The following ATP2B2 variants were observed in gnomAD, a reference collection of about 807,000 sequenced individuals.
ATP2B2 encodes plasma membrane calcium-transporting ATPase 2.
A neutral mutation model predicts 120.0 loss-of-function variants in ATP2B2; 15 were observed. The ratio of observed to expected loss-of-function variants is 0.12; its 90% confidence interval spans 0.08 to 0.19. The LOEUF is 0.19. Ranked by LOEUF, ATP2B2 falls within the 10% of genes least tolerant of loss-of-function variation. ATP2B2 has a pLI of 1.00. For synonymous variants in ATP2B2, 694 were observed against 700.3 expected, an observed-to-expected ratio of 0.99 and a Z score of 0.14; for missense variants, 1,045 against 1,719.8, an observed-to-expected ratio of 0.61 and a Z score of 6.94.
intron 12 of ATP2B2, among the ~76,000 whole-genome samples, chr3:10,370,406 G>T (rs2125498857): frequency 6.6e-6 from 1 of 152,338 alleles, no homozygotes; most frequent in South Asian, 2.1e-4. Flanking sequence ...AAGCATCGCT[G>T]ATCTCCCTTG....
chr3:10,496,509 C>T (rs991654549), intron 1 of ATP2B2, among the ~76,000 whole-genome samples: 3 of 152,230 alleles, frequency 2.0e-5, no homozygotes, highest in Non-Finnish European at 4.4e-5. Flanking sequence ...TGCCCCACAT[C>T]CCCCAAGGGA....
At chr3:10,565,123 C>T (rs984176456) in intron 2 of ATP2B2, among the ~76,000 whole-genome samples, 3 of 152,286 alleles carry the variant, frequency 2.0e-5, no homozygotes, top group African/African-American at 7.2e-5. Flanking sequence ...GGACAATATC[C>T]TAAGGGGTGG....
intron 2 of ATP2B2, among the ~76,000 whole-genome samples, chr3:10,558,317 G>A (rs1321912134): frequency 6.6e-6 from 1 of 152,204 alleles, no homozygotes; most frequent in Non-Finnish European, 1.5e-5. Context: ...ACTGGTTCAT[G>A]GAAGTGCACG....
intron 13 of ATP2B2, 96 bp downstream of exon 13, chr3:10,359,786 T>G (rs2060843813): frequency 6.4e-7 from 1 of 1,566,660 alleles, no homozygotes; most frequent in Non-Finnish European, 8.7e-7. Context: ...CTGCTGAGCC[T>G]GGCCTGGATG....
At chr3:10,585,426 G>A (rs779355464) in intron 2 of ATP2B2, among the ~76,000 whole-genome samples, 42 of 142,974 alleles carry the variant, frequency 2.9e-4, no homozygotes, top group Non-Finnish European at 6.0e-5. Flanking sequence ...CCCGGGAGGC[G>A]GAACTTGCAG....
chr3:10,360,692 T>C (rs2060872367), intron 12 of ATP2B2, among the ~76,000 whole-genome samples: 1 of 152,224 alleles, frequency 6.6e-6, no homozygotes, highest in African/African-American at 2.4e-5. Flanking sequence ...ATCACCATAG[T>C]ATTAACACAA....
intron 1 of ATP2B2, among the ~76,000 whole-genome samples, chr3:10,503,811 C>A (rs938543264): frequency 6.6e-6 from 1 of 152,254 alleles, no homozygotes; most frequent in Non-Finnish European, 1.5e-5. Flanking sequence ...ACATTTCTGG[C>A]TGTTGCAGGG....
In ATP2B2 at chr3:10,340,465, G is replaced by A; in HGVS notation, c.3129+28C>T. Reference sequence around the variant, plus strand: ...CTCCAGCCGCTTGCTGCCCACCCCGGGCCTGGTTAGGGTGGGGGCCTCACT... The same window carrying A: ...CTCCAGCCGCTTGCTGCCCACCCCGAGCCTGGTTAGGGTGGGGGCCTCACT... On this transcript the variant is annotated intron_variant, in intron 20 of 22. Coordinates refer to ENST00000360273, the MANE Select transcript of ATP2B2 (RefSeq NM_001001331.4). The surrounding 1 kb of genome is among the most constrained non-coding windows in gnomAD (Gnocchi z 5.0). The A allele has an allele frequency of 6.2e-7, 1 of 1,614,038 alleles. No individual in the cohort carries two copies. Among genetic ancestry groups the A allele is most frequent in the Non-Finnish European group, 8.5e-7 (1 of 1,179,864 alleles).
At chr3:10,461,313 T>G (rs999703207) in intron 1 of ATP2B2, among the ~76,000 whole-genome samples, 20 of 152,190 alleles carry the variant, frequency 1.3e-4, no homozygotes, top group African/African-American at 4.8e-4. Context: ...CCTGGTTATC[T>G]CCACCCAGAG....
Position 10,462,177 on chromosome 3 carries a change from G to C in ATP2B2, c.-319-12315C>G, listed in dbSNP as rs148257018. 6.6e-5 allele frequency among the ~76,000 whole-genome samples: 10 copies of C among 152,264 alleles called. No individual in the cohort carries two copies. The East Asian group carries it at 1.9e-3, about 29-fold the overall frequency. ...GGCCTTTCTCCCAAGCTCCAGAACCGACCTTCTTGTGGTTGCCAAATGTCC... is the reference window on the plus strand; with the variant it reads ...GGCCTTTCTCCCAAGCTCCAGAACCCACCTTCTTGTGGTTGCCAAATGTCC... On this transcript the variant is annotated intron_variant, in intron 1 of 22. Coordinates refer to ENST00000360273, the MANE Select transcript of ATP2B2 (RefSeq NM_001001331.4).
chr3:10,707,029 G>T (rs1431859038), intron 1 of ATP2B2, among the ~76,000 whole-genome samples: 1 of 152,226 alleles, frequency 6.6e-6, no homozygotes, highest in African/African-American at 2.4e-5. Context: ...ATCACCAAAG[G>T]CCAGAGTATC....
chr3:10,386,424 C>G, intron 7 of ATP2B2, 56 bp downstream of exon 7: 1 of 1,593,372 alleles, frequency 6.3e-7, no homozygotes. Flanking sequence ...GGCCCAATGA[C>G]CAAAGCCTGC....
intron 2 of ATP2B2, among the ~76,000 whole-genome samples, chr3:10,422,400 G>A (rs2063011275): frequency 6.6e-6 from 1 of 152,206 alleles, no homozygotes; most frequent in African/African-American, 2.4e-5. Context: ...GTGCATTGCA[G>A]GCATGTATGC....
chr3:10,410,967 T>C (rs562935952), intron 2 of ATP2B2, 152 bp from the exon 3 acceptor site: 3 of 952,652 alleles, frequency 3.1e-6, no homozygotes, highest in African/African-American at 3.3e-5. Context: ...GGGCCCTAAG[T>C]TGGTTCCTGC....
At chr3:10,399,712 G>C (rs1575121581) in intron 5 of ATP2B2, among the ~76,000 whole-genome samples, 3 of 152,196 alleles carry the variant, frequency 2.0e-5, no homozygotes, top group East Asian at 3.8e-4. Flanking sequence ...CTGCAGACCT[G>C]TTTGTATTTC....
chr3:10,542,005 C>T (rs2067451245), intron 2 of ATP2B2, among the ~76,000 whole-genome samples: 1 of 151,998 alleles, frequency 6.6e-6, no homozygotes, highest in African/African-American at 2.4e-5. Context: ...TAATAATATC[C>T]TTCTCTATCT....
chr3:10,350,346 A>G, intron 15 of ATP2B2, 52 bp downstream of exon 15: 1 of 1,612,622 alleles, frequency 6.2e-7, no homozygotes, highest in Non-Finnish European at 8.5e-7. Context: ...CCTACCTCCC[A>G]GCTCCCATCT....
intron 22 of ATP2B2, among the ~76,000 whole-genome samples, chr3:10,335,767 T>TG (rs1281613383): frequency 6.6e-6 from 1 of 152,202 alleles, no homozygotes; most frequent in African/African-American, 2.4e-5. Flanking sequence ...CCTAGGCCAG[T>TG]GGGACACTCT....
At chr3:10,526,529 C>T (rs1392953193) in intron 3 of ATP2B2, among the ~76,000 whole-genome samples, 1 of 152,178 alleles carries the variant, frequency 6.6e-6, no homozygotes, top group African/African-American at 2.4e-5. Context: ...TGCTGTGGGT[C>T]ACGGGGACAA....
Sources: allele counts gnomAD v4.1 joint callset (sites outside exome capture counted in the v4.1 genomes callset), GRCh38; gene constraint gnomAD v4.1.1; non-coding constraint Gnocchi (gnomAD v3.1); transcripts MANE v1.5; gene names NCBI Gene and HGNC (gene_info 2026-07-23, HGNC 2026-07-21).